COL4A4: variants seen among roughly 807,000 people sequenced by gnomAD.
COL4A4 encodes collagen alpha-4(IV) chain.
COL4A4 carries 105 observed loss-of-function variants against 192.9 expected under a neutral mutation model. That is an observed-to-expected ratio of 0.54 (90% CI 0.46 to 0.64). The LOEUF (loss-of-function observed/expected upper bound fraction) is 0.64. Among genes scored for constraint, COL4A4 ranks in the 30% least tolerant of loss-of-function variants. COL4A4 has a pLI of 0.00. For synonymous variants in COL4A4, 762 were observed against 769.9 expected, an observed-to-expected ratio of 0.99 and a Z score of 0.17; for missense variants, 1,967 against 2,169.3, an observed-to-expected ratio of 0.91 and a Z score of 1.85.
At chr2:227,039,465 C>T (rs74795066) in intron 37 of COL4A4, among the ~76,000 whole-genome samples, 176 of 152,296 alleles carry the variant, frequency 1.2e-3, no homozygotes, top group African/African-American at 4.0e-3. Context: ...GCCACCACGT[C>T]GGCCAGCTAT....
intron 1 of COL4A4, among the ~76,000 whole-genome samples, chr2:227,160,530 A>G (rs1416044867): frequency 1.3e-5 from 2 of 152,154 alleles, no homozygotes; most frequent in African/African-American, 4.8e-5. Context: ...CTGAGTGGCT[A>G]CAATAAACAG....
chr2:227,016,950 C>T (rs1021158507), intron 44 of COL4A4, among the ~76,000 whole-genome samples: 14 of 152,154 alleles, frequency 9.2e-5, no homozygotes, highest in Non-Finnish European at 5.9e-5. Context: ...AACCTCTCCC[C>T]GGGGTGGCAC....
intron 45 of COL4A4, 55 bp from the exon 46 acceptor site, chr2:227,010,556 A>C: frequency 7.1e-7 from 1 of 1,405,662 alleles, no homozygotes. Flanking sequence ...GGTTTAACAA[A>C]TATGTTAAGC....
At chr2:227,067,476 T>C (rs2058420507) in intron 25 of COL4A4, among the ~76,000 whole-genome samples, 1 of 152,082 alleles carries the variant, frequency 6.6e-6, no homozygotes, top group Non-Finnish European at 1.5e-5. Flanking sequence ...AGTAAAGCAT[T>C]CCTCAGCAAA....
intron 22 of COL4A4, among the ~76,000 whole-genome samples, chr2:227,085,932 T>C (rs1339471213): frequency 6.6e-6 from 1 of 152,218 alleles, no homozygotes; most frequent in Non-Finnish European, 1.5e-5. Context: ...GTATGTACCT[T>C]ATACAGTGTG....
intron 1 of COL4A4, among the ~76,000 whole-genome samples, chr2:227,155,183 C>G (rs2064238682): frequency 6.6e-6 from 1 of 152,138 alleles, no homozygotes; most frequent in Non-Finnish European, 1.5e-5. Flanking sequence ...AGCCCACCCC[C>G]ACCTTTCCTT....
At chr2:227,033,339 G>A in intron 38 of COL4A4, 71 bp downstream of exon 38, 1 of 1,295,608 alleles carries the variant, frequency 7.7e-7, no homozygotes, top group East Asian at 2.3e-5. Context: ...AGAAATACCA[G>A]GGAGGGTACC....
Position 227,094,533 on chromosome 2 carries a change from C to T in COL4A4, c.1205-244G>A, listed in dbSNP as rs574437402. 3.3e-5 allele frequency among the ~76,000 whole-genome samples: 5 copies of T among 152,170 alleles called. No individual in the cohort carries two copies. The South Asian group carries it at 8.3e-4, about 25-fold the overall frequency. Reference sequence around the variant, plus strand: ...AAGCAGAGAGTAGGATGGTGGTTCCCAGGGGCTGGGGGAAGAGAGGAATGG... The same window carrying T: ...AAGCAGAGAGTAGGATGGTGGTTCCTAGGGGCTGGGGGAAGAGAGGAATGG... On this transcript the variant is annotated intron_variant, in intron 19 of 47. Coordinates refer to ENST00000396625, the MANE Select transcript of COL4A4 (RefSeq NM_000092.5).
Position 227,008,123 on chromosome 2 carries a change from T to C in COL4A4, c.4704A>G (p.Val1568=). ...CCACCGCCTGGGCCGGGGCCTCGCATACCGCACAGCGGCTGACATAGGGGC... is the reference window on the plus strand; with the variant it reads ...CCACCGCCTGGGCCGGGGCCTCGCACACCGCACAGCGGCTGACATAGGGGC... ...AIRPYVSRCA[V]CEAPAQAVAV... The change falls in exon 47 of 48, where the codon GTA becomes GTG. Residue 1568 remains valine (V), a synonymous_variant. Transcript: ENST00000396625. 6.2e-7 allele frequency: 1 copy of C among 1,614,062 alleles called. No individual in the cohort carries two copies. The highest frequency in any genetic ancestry group is 2.2e-5 in the East Asian group (1 of 44,880).
chr2:227,084,924 G>T (rs1471033367), intron 22 of COL4A4, among the ~76,000 whole-genome samples: 2 of 152,098 alleles, frequency 1.3e-5, no homozygotes, highest in South Asian at 4.1e-4. Flanking sequence ...CTGAGGTCAG[G>T]AGTTCAAGAC....
Position 227,005,291 on chromosome 2 carries a change from A to G in COL4A4, c.*2034T>C, listed in dbSNP as rs1961863240. ...GTTTAAAATAATTAGCAAGCAAGATACGTTTCTGATGTTCCATTTGTCACC... is the reference window on the plus strand; with the variant it reads ...GTTTAAAATAATTAGCAAGCAAGATGCGTTTCTGATGTTCCATTTGTCACC... On this transcript the variant is annotated 3_prime_UTR_variant, in exon 48 of 48. Coordinates refer to ENST00000396625, the MANE Select transcript of COL4A4 (RefSeq NM_000092.5). The G allele has an allele frequency of 6.6e-6, 1 of 152,176 alleles. No individual in the cohort carries two copies. The highest frequency in any genetic ancestry group is 1.5e-5 in the Non-Finnish European group (1 of 68,038). The allele number at this position is 152,176 out of a possible 1,614,324, so 9.4% of individuals were successfully genotyped here.
At chr2:227,041,848 G>GAGAAAGAAAGAGAA (rs1971310289) in intron 37 of COL4A4, among the ~76,000 whole-genome samples, 10 of 38,732 alleles carry the variant, frequency 2.6e-4, no homozygotes, top group East Asian at 1.1e-3. Flanking sequence ...AAGAAAGAAA[G>GAGAAAGAAAGAGAA]AGAAAGAAAG....
chr2:227,014,956 T>C (rs1001757837), intron 44 of COL4A4, among the ~76,000 whole-genome samples: 1 of 146,214 alleles, frequency 6.8e-6, no homozygotes, highest in Non-Finnish European at 1.5e-5. Flanking sequence ...TGGAGTGCAA[T>C]GGCATGACCT....
intron 21 of COL4A4, among the ~76,000 whole-genome samples, chr2:227,089,588 CATATATAT>C (rs527917534): frequency 4.9e-5 from 5 of 102,228 alleles, no homozygotes; most frequent in Admixed American, 4.2e-4. Context: ...GCAAATGTTC[CATATATAT>C]ATATATATAT....
chr2:227,109,576 G>A (rs947680389), intron 9 of COL4A4: 19 of 510,658 alleles, frequency 3.7e-5, no homozygotes, highest in African/African-American at 1.5e-4. Flanking sequence ...GTGAAACCCC[G>A]TCTCTACTAA....
chr2:227,029,194 C>A (rs1967727128), intron 41 of COL4A4, among the ~76,000 whole-genome samples: 1 of 152,176 alleles, frequency 6.6e-6, no homozygotes, highest in South Asian at 2.1e-4. Flanking sequence ...ATGTAGATCA[C>A]TGGTATTCAT....
chr2:227,000,702 T>C (rs1395829287), downstream of COL4A4, among the ~76,000 whole-genome samples: 3 of 151,994 alleles, frequency 2.0e-5, no homozygotes, highest in African/African-American at 4.8e-5. Context: ...CTTGGGTTTC[T>C]AGGGGCTCCA....
chr2:227,088,576 T>C (rs1482352071), intron 22 of COL4A4, 77 bp downstream of exon 22: 2 of 1,546,568 alleles, frequency 1.3e-6, no homozygotes, highest in Non-Finnish European at 1.8e-6. Context: ...TCTTGGGTAG[T>C]ATCTTTATGG....
At chr2:226,972,954 C>T in the COL4A4 span, among the ~76,000 whole-genome samples, 3 of 148,580 alleles carry the variant, frequency 2.0e-5, no homozygotes, top group African/African-American at 7.5e-5. Flanking sequence ...AACAAAAAAC[C>T]ATGCAGGTTC....
Sources: allele counts gnomAD v4.1 joint callset (sites outside exome capture counted in the v4.1 genomes callset), GRCh38; gene constraint gnomAD v4.1.1; transcripts MANE v1.5; gene names NCBI Gene and HGNC (gene_info 2026-07-23, HGNC 2026-07-21).